The following CTNNA3 variants were observed in gnomAD, a reference collection of about 807,000 sequenced individuals.
The protein encoded by CTNNA3 is catenin alpha-3.
Under a neutral mutation model 95.7 loss-of-function variants are expected in CTNNA3, and 76 were observed. The observed-to-expected ratio is 0.79, with a 90% CI of 0.66 to 0.96. CTNNA3 has a LOEUF of 0.96. CTNNA3 is among the 40% of genes least tolerant of loss of function. CTNNA3 has a pLI of 0.00. For synonymous variants in CTNNA3, 431 were observed against 374.4 expected (o/e 1.15, Z -1.74); for missense variants, 1,191 against 1,089.8 (o/e 1.09, Z -1.31).
At chr10:67,587,308 C>G (rs977220368) in intron 3 of CTNNA3, among the ~76,000 whole-genome samples, 1 of 150,668 alleles carries the variant, frequency 6.6e-6, no homozygotes, top group African/African-American at 2.4e-5. Context: ...GATGCTACTG[C>G]TTAGGCTTCC....
At chr10:65,972,982 C>T (rs183104874) in intron 16 of CTNNA3, among the ~76,000 whole-genome samples, 1 of 149,078 alleles carries the variant, frequency 6.7e-6, no homozygotes, top group African/African-American at 2.5e-5. Context: ...CAGTAACACA[C>T]ACAGCATGAT....
chr10:67,262,401 C>T (rs1019112320), intron 5 of CTNNA3, among the ~76,000 whole-genome samples: 11 of 152,116 alleles, frequency 7.2e-5, no homozygotes, highest in Non-Finnish European at 1.3e-4. Flanking sequence ...CTGCAGCTGA[C>T]CCCTGGAGGT....
intron 1 of CTNNA3, among the ~76,000 whole-genome samples, chr10:67,663,618 G>A (rs1840254735): frequency 6.6e-6 from 1 of 152,114 alleles, no homozygotes; most frequent in South Asian, 2.1e-4. Context: ...CAGAGGACTC[G>A]GACACCAGCT....
chr10:67,361,047 T>C (rs1589214475), intron 5 of CTNNA3, among the ~76,000 whole-genome samples: 1 of 149,694 alleles, frequency 6.7e-6, no homozygotes, highest in Admixed American at 6.7e-5. Flanking sequence ...TATTACATAA[T>C]GATAAAGTGT....
intron 3 of CTNNA3, among the ~76,000 whole-genome samples, chr10:67,542,244 C>T (rs1302097529): frequency 1.3e-5 from 2 of 152,106 alleles, no homozygotes; most frequent in African/African-American, 4.8e-5. Context: ...TTAAACATCA[C>T]TTCCTATGGG....
At chr10:66,959,077 G>T (rs1397173367) in intron 7 of CTNNA3, among the ~76,000 whole-genome samples, 1 of 151,996 alleles carries the variant, frequency 6.6e-6, no homozygotes. Flanking sequence ...GTATCCACAG[G>T]GTAGATGTTG....
intron 7 of CTNNA3, among the ~76,000 whole-genome samples, chr10:66,832,317 C>T (rs572134400): frequency 6.6e-5 from 10 of 152,202 alleles, no homozygotes; most frequent in South Asian, 4.2e-4. Flanking sequence ...TCTAAGATCA[C>T]GCACTGTAAA....
intron 12 of CTNNA3, among the ~76,000 whole-genome samples, chr10:66,331,505 C>T (rs2092330671): frequency 1.3e-5 from 2 of 151,444 alleles, no homozygotes; most frequent in African/African-American, 2.4e-5. Flanking sequence ...AGGCGCGCAC[C>T]ACCATGCCCG....
At chr10:66,817,084 A>T (rs1203514555) in intron 7 of CTNNA3, among the ~76,000 whole-genome samples, 8 of 152,034 alleles carry the variant, frequency 5.3e-5, no homozygotes, top group Non-Finnish European at 1.0e-4. Flanking sequence ...GAGATCTCAT[A>T]TCAATAACAG....
intron 12 of CTNNA3, among the ~76,000 whole-genome samples, chr10:66,360,291 T>C (rs1029684322): frequency 6.6e-6 from 1 of 152,092 alleles, no homozygotes. Flanking sequence ...GGTTTCCACG[T>C]GTTTGGGAAA....
intron 1 of CTNNA3, among the ~76,000 whole-genome samples, chr10:67,752,648 G>C (rs1209115105): frequency 6.6e-6 from 1 of 152,114 alleles, no homozygotes; most frequent in East Asian, 1.9e-4. Flanking sequence ...CAAAATCAAT[G>C]TGCAAAAATC....
At chr10:66,239,323 C>A (rs1236697600) in intron 13 of CTNNA3, among the ~76,000 whole-genome samples, 1 of 151,384 alleles carries the variant, frequency 6.6e-6, no homozygotes, top group Admixed American at 6.6e-5. Context: ...TAGTCTTCTG[C>A]TTTTATTCTT....
At chr10:67,680,992 C>T (rs374302647) in intron 1 of CTNNA3, among the ~76,000 whole-genome samples, 3 of 151,936 alleles carry the variant, frequency 2.0e-5, no homozygotes, top group South Asian at 2.1e-4. Flanking sequence ...GGAAAGAGAC[C>T]GTTTATGATA....
At chr10:66,933,669 T>C (rs1300582392) in intron 7 of CTNNA3, among the ~76,000 whole-genome samples, 3 of 152,166 alleles carry the variant, frequency 2.0e-5, no homozygotes, top group Non-Finnish European at 4.4e-5. Context: ...CCTCTTAGTA[T>C]AGAAATTACT....
At chr10:67,155,021 C>CT (rs111541639) in intron 7 of CTNNA3, among the ~76,000 whole-genome samples, 1 of 152,094 alleles carries the variant, frequency 6.6e-6, no homozygotes, top group Non-Finnish European at 1.5e-5. Flanking sequence ...CAAATTGTTT[C>CT]TTTTTTTTAG....
At chr10:67,074,738 A>G (rs2057072266) in intron 7 of CTNNA3, among the ~76,000 whole-genome samples, 1 of 152,174 alleles carries the variant, frequency 6.6e-6, no homozygotes, top group East Asian at 1.9e-4. Context: ...ATCTGTGTAG[A>G]TTCTGTCTTA....
chr10:67,683,877 G>A (rs777116768), intron 1 of CTNNA3, among the ~76,000 whole-genome samples: 6 of 151,766 alleles, frequency 4.0e-5, no homozygotes, highest in Non-Finnish European at 7.4e-5. Context: ...TATCCGGAGT[G>A]GTTTGTTCCT....
chr10:66,079,218 C>G (rs1200130520), intron 14 of CTNNA3: 1 of 151,922 alleles, frequency 6.6e-6, no homozygotes, highest in African/African-American at 2.4e-5. Context: ...TTGATGTCTA[C>G]TGTAAAGTAG....
At chr10:66,751,221 T>C (rs1386868822) in intron 9 of CTNNA3, among the ~76,000 whole-genome samples, 1 of 152,142 alleles carries the variant, frequency 6.6e-6, no homozygotes, top group African/African-American at 2.4e-5. Flanking sequence ...TGAGCCTAGA[T>C]TGTGCCACTG....
Sources: gnomAD v4.1 joint callset for allele counts (sites outside exome capture counted in the v4.1 genomes callset) on GRCh38, gnomAD v4.1.1 for gene constraint, MANE v1.5 for transcripts, NCBI Gene and HGNC (gene_info 2026-07-23, HGNC 2026-07-21) for gene names.